EEPD1: variants seen among roughly 807,000 people sequenced by gnomAD.
EEPD1 encodes endonuclease/exonuclease/phosphatase family domain containing 1.
EEPD1 carries 17 observed loss-of-function variants against 46.3 expected under a neutral mutation model. The ratio of observed to expected loss-of-function variants is 0.37; its 90% CI spans 0.25 to 0.55. The LOEUF is 0.55. Ranked by LOEUF, EEPD1 falls within the 20% of genes least tolerant of loss-of-function variation. The pLI, the probability that EEPD1 is intolerant of heterozygous loss-of-function variation, is 0.83. For missense variants in EEPD1, 673 were observed against 745.6 expected (o/e 0.90, Z 1.13); for synonymous variants, 313 against 315.6 (o/e 0.99, Z 0.09).
intron 3 of EEPD1, among the ~76,000 whole-genome samples, chr7:36,248,209 C>CT (rs112763432): frequency 1.6e-3 from 230 of 144,924 alleles, no homozygotes; most frequent in African/African-American, 3.0e-3. Flanking sequence ...CTTTAAGATA[C>CT]TTTTTTTTTT....
chr7:36,154,205 A>T lies in EEPD1; in HGVS notation c.-120A>T. 7.9e-7 allele frequency: 1 copy of T among 1,264,008 alleles called. No individual in the cohort carries two copies. The highest frequency in any genetic ancestry group is 1.1e-6 in the Non-Finnish European group (1 of 941,416). 78.3% of individuals were successfully genotyped at this position (1,264,008 alleles called of 1,614,324 possible). ...GGTGTTTGTCTATAGTAACCTCTTC[A>T]GTCCCTGAATCCTGCACCTTCCGTT... On this transcript the variant is annotated 5_prime_UTR_variant, in exon 2 of 8. Coordinates refer to ENST00000242108, the MANE Select transcript of EEPD1 (RefSeq NM_030636.3). The surrounding 1 kb of genome is among the most constrained non-coding windows in gnomAD (Gnocchi z 4.2).
intron 2 of EEPD1, among the ~76,000 whole-genome samples, chr7:36,222,490 G>C (rs1363695946): frequency 6.6e-6 from 1 of 151,872 alleles, no homozygotes; most frequent in Non-Finnish European, 1.5e-5. Context: ...ATTGTTCAAG[G>C]GTGAACTGTA....
chr7:36,271,112 G>A (rs1015798154), intron 3 of EEPD1, among the ~76,000 whole-genome samples: 13 of 151,880 alleles, frequency 8.6e-5, no homozygotes, highest in South Asian at 8.3e-4. Context: ...TCAGCCTCCC[G>A]AGTAGCTGGG....
At chr7:36,281,253 T>C in intron 4 of EEPD1, 28 bp downstream of exon 4, 1 of 1,595,188 alleles carries the variant, frequency 6.3e-7, no homozygotes, top group Middle Eastern at 1.7e-4. Context: ...GCCTGGCCTT[T>C]CCCTTCATTT....
chr7:36,164,797 T>C (rs1289063121), intron 2 of EEPD1, among the ~76,000 whole-genome samples: 2 of 152,244 alleles, frequency 1.3e-5, no homozygotes, highest in African/African-American at 4.8e-5. Context: ...TTCATGATCC[T>C]GATCCCATGT....
At chr7:36,289,374 T>C (rs1787390768) in intron 6 of EEPD1, among the ~76,000 whole-genome samples, 1 of 152,208 alleles carries the variant, frequency 6.6e-6, no homozygotes, top group Non-Finnish European at 1.5e-5. Context: ...CATTCTACCT[T>C]CTGTCTCTGT....
rs1293370641 is a variant in EEPD1 at position 36,154,483 on chromosome 7, G to A, written c.159G>A (p.Leu53=). 6.2e-7 allele frequency: 1 copy of A among 1,614,124 alleles called. No homozygotes were observed. Among genetic ancestry groups the A allele is most frequent in the Non-Finnish European group, 8.5e-7 (1 of 1,180,052 alleles). ...CCACGGAGGAGGAGCTGATGACCCT[G>A]CCTGGGGTGACGCGTGCCGTGGCAC... The part of the protein sequence containing the change: ...NTATEEELMT[L]PGVTRAVARS... The change falls in exon 2 of 8, where the codon CTG becomes CTA. Residue 53 remains leucine, a synonymous_variant. Coordinates refer to ENST00000242108, the MANE Select transcript of EEPD1 (RefSeq NM_030636.3). The surrounding 1 kb of genome is among the most constrained non-coding windows in gnomAD (Gnocchi z 4.2).
chr7:36,282,873 T>G (rs1787282384), intron 4 of EEPD1, among the ~76,000 whole-genome samples: 1 of 152,180 alleles, frequency 6.6e-6, no homozygotes, highest in Non-Finnish European at 1.5e-5. Context: ...TAATGGGAAA[T>G]TTCCTGAATT....
At chr7:36,156,050 A>G (rs1169790373) in intron 2 of EEPD1, among the ~76,000 whole-genome samples, 1 of 152,198 alleles carries the variant, frequency 6.6e-6, no homozygotes, top group Non-Finnish European at 1.5e-5. Context: ...AATATTTGTG[A>G]TGGTCCCTTC....
Position 36,154,565 on chromosome 7 carries a change from G to T in EEPD1, c.241G>T (p.Ala81Ser), listed in dbSNP as rs746598072. The change falls in exon 2 of 8, where the codon GCA becomes TCA. Residue 81 changes from alanine to serine, a missense_variant. Transcript: ENST00000242108. This position sits in a 1 kb window ranked among gnomAD's most constrained non-coding sequence, Gnocchi z 4.2. Reference protein sequence around the residue: ...IGGFKKVEDLALVSGVGATKL... With the variant: ...IGGFKKVEDLSLVSGVGATKL... Reference sequence around the variant, plus strand: ...TGGCTTCAAGAAGGTGGAGGACCTGGCATTGGTCAGTGGTGTAGGCGCCAC... The same window carrying T: ...TGGCTTCAAGAAGGTGGAGGACCTGTCATTGGTCAGTGGTGTAGGCGCCAC... 6.2e-7 allele frequency: 1 copy of T among 1,614,162 alleles called. No individual in the cohort carries two copies. Among genetic ancestry groups the T allele is most frequent in the Non-Finnish European group, 8.5e-7 (1 of 1,180,020 alleles).
chr7:36,266,561 A>C (rs1039721086), intron 3 of EEPD1, among the ~76,000 whole-genome samples: 1 of 152,244 alleles, frequency 6.6e-6, no homozygotes, highest in African/African-American at 2.4e-5. Context: ...TCACTTTTAA[A>C]ATTATTGATG....
intron 2 of EEPD1, among the ~76,000 whole-genome samples, chr7:36,208,903 G>A (rs959402949): frequency 1.3e-5 from 2 of 152,178 alleles, no homozygotes; most frequent in Admixed American, 1.3e-4. Context: ...GGATTCAAAC[G>A]GGGTCCAGCA....
intron 6 of EEPD1, among the ~76,000 whole-genome samples, chr7:36,290,965 G>A (rs189904392): frequency 2.6e-5 from 4 of 152,242 alleles, no homozygotes; most frequent in South Asian, 2.1e-4. Context: ...TGTCATCACC[G>A]ACGCGGATTC....
chr7:36,287,716 G>A lies in EEPD1; in HGVS notation c.1254G>A (p.Lys418=). Residue 418 remains lysine, a synonymous_variant, in exon 6 of 8, where the codon AAG becomes AAA. Transcript: ENST00000242108. The part of the protein sequence containing the change: ...LTLLGSENPS[K]NHSDGHRLAS... ...TCCTGGGGAGCGAGAATCCCAGCAA[G>A]AATCACAGTGATGGCCACCGGTTGG... 1 of 1,614,124 alleles carries A rather than the reference G, an allele frequency of 6.2e-7. No homozygotes were observed.
chr7:36,219,645 A>G (rs1263984131), intron 2 of EEPD1, among the ~76,000 whole-genome samples: 8 of 148,064 alleles, frequency 5.4e-5, no homozygotes, highest in East Asian at 2.0e-4. Flanking sequence ...AGAAAAGAAG[A>G]AGGAGGAAGA....
At chr7:36,241,006 G>A (rs1049128472) in intron 3 of EEPD1, among the ~76,000 whole-genome samples, 1 of 152,216 alleles carries the variant, frequency 6.6e-6, no homozygotes, top group Non-Finnish European at 1.5e-5. Context: ...GATCCAGAGA[G>A]AGAAAGATGA....
intron 3 of EEPD1, among the ~76,000 whole-genome samples, chr7:36,262,648 C>T (rs762363154): frequency 6.6e-6 from 1 of 152,108 alleles, no homozygotes. Context: ...GGAGCATGTA[C>T]AGTGTGTTTA....
intron 3 of EEPD1, among the ~76,000 whole-genome samples, chr7:36,268,950 G>A (rs1787063866): frequency 6.6e-6 from 1 of 152,178 alleles, no homozygotes; most frequent in Admixed American, 6.5e-5. Context: ...TAGAGTCTGC[G>A]TTCTTAACCT....
chr7:36,153,878 G>C (rs1784766476), intron 1 of EEPD1, among the ~76,000 whole-genome samples: 1 of 152,316 alleles, frequency 6.6e-6, no homozygotes, highest in East Asian at 1.9e-4. Context: ...CTGGAGGAGA[G>C]GCATGAGGCT....
Sources: allele counts gnomAD v4.1 joint callset (sites outside exome capture counted in the v4.1 genomes callset), GRCh38; gene constraint gnomAD v4.1.1; non-coding constraint Gnocchi (gnomAD v3.1); transcripts MANE v1.5; gene names NCBI Gene and HGNC (gene_info 2026-07-23, HGNC 2026-07-21).